Variants in GRID2 observed in about 807,000 individuals in gnomAD.
GRID2 encodes the protein glutamate receptor ionotropic, delta-2.
In GRID2, 33 loss-of-function variants were observed where a neutral mutation model predicts 114.8. The ratio of observed to expected loss-of-function variants is 0.29; its 90% CI spans 0.22 to 0.38. The LOEUF is 0.38. GRID2 is among the 10% of genes least tolerant of loss of function. GRID2 has a pLI of 1.00. For synonymous variants in GRID2, 505 were observed against 449.9 expected, an observed-to-expected ratio of 1.12 and a Z score of -1.55; for missense variants, 1,184 against 1,257.7, an observed-to-expected ratio of 0.94 and a Z score of 0.89.
At chr4:93,652,405 A>G (rs1464240942) in intron 14 of GRID2, among the ~76,000 whole-genome samples, 1 of 152,184 alleles carries the variant, frequency 6.6e-6, no homozygotes, top group Non-Finnish European at 1.5e-5. Context: ...ATAAAAAACA[A>G]TGGTTCCATA....
chr4:92,673,043 C>G (rs1441606059), intron 2 of GRID2, among the ~76,000 whole-genome samples: 1 of 152,072 alleles, frequency 6.6e-6, no homozygotes, highest in Non-Finnish European at 1.5e-5. Context: ...ATTTTAGCTC[C>G]CACAAATAAG....
intron 2 of GRID2, among the ~76,000 whole-genome samples, chr4:92,808,140 G>A (rs1740503942): frequency 1.3e-5 from 2 of 152,040 alleles, no homozygotes; most frequent in African/African-American, 4.8e-5. Context: ...GAAGAAAAGG[G>A]TGTAAGCTGA....
intron 2 of GRID2, among the ~76,000 whole-genome samples, chr4:92,918,083 T>A (rs1228620306): frequency 2.6e-5 from 4 of 152,028 alleles, no homozygotes; most frequent in South Asian, 2.1e-4. Flanking sequence ...TGTAAGTTGG[T>A]TTCCTAGGTA....
At chr4:93,445,922 A>C (rs757989270) in intron 10 of GRID2, among the ~76,000 whole-genome samples, 16 of 152,108 alleles carry the variant, frequency 1.1e-4, no homozygotes, top group Non-Finnish European at 2.9e-5. Context: ...AATTAGAGGA[A>C]ATTTTACAAC....
At chr4:92,432,406 G>C (rs112762931) in intron 1 of GRID2, among the ~76,000 whole-genome samples, 1 of 152,032 alleles carries the variant, frequency 6.6e-6, no homozygotes, top group African/African-American at 2.4e-5. Flanking sequence ...CAAACCTTAG[G>C]AATCTACTTG....
intron 2 of GRID2, among the ~76,000 whole-genome samples, chr4:92,611,466 T>A (rs1729741704): frequency 6.6e-6 from 1 of 151,542 alleles, no homozygotes; most frequent in Admixed American, 6.6e-5. Flanking sequence ...CATTTAACCT[T>A]AATTACCTCC....
intron 1 of GRID2, among the ~76,000 whole-genome samples, chr4:92,326,765 A>G (rs1042144076): frequency 1.3e-5 from 2 of 152,036 alleles, no homozygotes; most frequent in African/African-American, 4.8e-5. Context: ...AGGAAGTTAA[A>G]CAATGCTATA....
At chr4:93,435,931 C>T (rs1296216113) in intron 10 of GRID2, among the ~76,000 whole-genome samples, 3 of 152,124 alleles carry the variant, frequency 2.0e-5, no homozygotes, top group African/African-American at 7.2e-5. Context: ...TAAATTGCCC[C>T]TCTACCTTTC....
chr4:93,638,205 T>C (rs1721592030), intron 14 of GRID2, among the ~76,000 whole-genome samples: 1 of 152,072 alleles, frequency 6.6e-6, no homozygotes, highest in South Asian at 2.1e-4. Context: ...TAAAGCTCTT[T>C]ATTTTTTAAA....
intron 10 of GRID2, among the ~76,000 whole-genome samples, chr4:93,439,976 C>A (rs950304134): frequency 1.3e-5 from 2 of 151,938 alleles, no homozygotes; most frequent in Non-Finnish European, 2.9e-5. Context: ...GCAAGAACAC[C>A]TAAGATTCCC....
In GRID2 at chr4:93,422,798, A is replaced by G. The variant is rs1319308693; in HGVS notation, c.1375A>G (p.Asn459Asp). ...AGAACCTTTTGTGATGGTCTCTGAA[A>G]ATGTCTTGGGTAAGCCGAAGAAATA... Reference protein sequence around the residue: ...LEEPFVMVSENVLGKPKKYQG... With the variant: ...LEEPFVMVSEDVLGKPKKYQG... The change falls in exon 10 of 16, where the codon AAT becomes GAT. Residue 459 changes from asparagine to aspartate, a missense_variant. By Grantham distance (23) the Asn-to-Asp change is conservative (BLOSUM62 1). Transcript: ENST00000282020. The G allele has an allele frequency of 6.2e-7, 1 of 1,613,270 alleles. No individual in the cohort carries two copies. The highest frequency in any genetic ancestry group is 1.1e-5 in the South Asian group (1 of 91,052).
chr4:92,483,069 G>C (rs1359539516), intron 1 of GRID2, among the ~76,000 whole-genome samples: 1 of 152,198 alleles, frequency 6.6e-6, no homozygotes, highest in Non-Finnish European at 1.5e-5. Context: ...GCTGGGCGCA[G>C]TGGCTCACGC....
At chr4:92,891,461 T>C (rs1346610341) in intron 2 of GRID2, among the ~76,000 whole-genome samples, 1 of 152,180 alleles carries the variant, frequency 6.6e-6, no homozygotes, top group Non-Finnish European at 1.5e-5. Context: ...CAAGGTTGTT[T>C]ATCTGTTCTC....
chr4:93,239,295 A>C (rs1442500708), intron 8 of GRID2, among the ~76,000 whole-genome samples: 19 of 150,120 alleles, frequency 1.3e-4, no homozygotes, highest in African/African-American at 4.6e-4. Context: ...TCATATGTAT[A>C]TATACACACA....
At chr4:93,156,085 A>G (rs1737160527) in intron 4 of GRID2, among the ~76,000 whole-genome samples, 1 of 151,826 alleles carries the variant, frequency 6.6e-6, no homozygotes, top group Middle Eastern at 3.2e-3. Flanking sequence ...TATGTATCCC[A>G]TGAATATATT....
intron 1 of GRID2, among the ~76,000 whole-genome samples, chr4:92,545,447 C>G (rs771849433): frequency 2.0e-5 from 3 of 152,096 alleles, no homozygotes; most frequent in Non-Finnish European, 4.4e-5. Flanking sequence ...TTAAAATATA[C>G]GTCCAGTGAA....
At chr4:92,474,706 G>T (rs1722210080) in intron 1 of GRID2, among the ~76,000 whole-genome samples, 1 of 151,924 alleles carries the variant, frequency 6.6e-6, no homozygotes, top group African/African-American at 2.4e-5. Flanking sequence ...ACAATAGTGT[G>T]AAGTGATATC....
chr4:92,867,642 G>A (rs376093510), intron 2 of GRID2, among the ~76,000 whole-genome samples: 1 of 151,790 alleles, frequency 6.6e-6, no homozygotes, highest in Non-Finnish European at 1.5e-5. Flanking sequence ...TTGGTAAAAG[G>A]CTATCAGTAA....
intron 2 of GRID2, among the ~76,000 whole-genome samples, chr4:92,862,708 C>G (rs971374399): frequency 6.6e-6 from 1 of 151,992 alleles, no homozygotes; most frequent in Non-Finnish European, 1.5e-5. Context: ...TAGAAAATAC[C>G]TTAATCAGCA....
Sources: allele counts gnomAD v4.1 joint callset (sites outside exome capture counted in the v4.1 genomes callset), GRCh38; gene constraint gnomAD v4.1.1; transcripts MANE v1.5; gene names NCBI Gene and HGNC (gene_info 2026-07-23, HGNC 2026-07-21).